The following DOCK1 variants were observed in gnomAD, a reference collection of about 807,000 sequenced individuals.
The protein encoded by DOCK1 is dedicator of cytokinesis protein 1.
A neutral mutation model predicts 262.7 loss-of-function variants in DOCK1; 138 were observed. The ratio of observed to expected loss-of-function variants is 0.53; its 90% confidence interval spans 0.46 to 0.61. The LOEUF (loss-of-function observed/expected upper bound fraction) is 0.61. Ranked by LOEUF, DOCK1 falls within the 20% of genes least tolerant of loss-of-function variation. The pLI is 0.00. For synonymous variants in DOCK1, 866 were observed against 867.4 expected (o/e 1.00, Z 0.03); for missense variants, 1,908 against 2,370.7 (o/e 0.80, Z 4.05).
chr10:127,438,334 ATG>A (rs1438021591), intron 48 of DOCK1, among the ~76,000 whole-genome samples: 1 of 152,242 alleles, frequency 6.6e-6, no homozygotes, highest in Non-Finnish European at 1.5e-5. Context: ...ATAACCACGA[ATG>A]TGTCTTTACA....
intron 50 of DOCK1, among the ~76,000 whole-genome samples, chr10:127,445,225 C>T (rs1049026108): frequency 7.2e-5 from 11 of 152,072 alleles, no homozygotes; most frequent in African/African-American, 1.7e-4. Flanking sequence ...AGGATGGGGA[C>T]GGCAGCAGAA....
intron 29 of DOCK1, among the ~76,000 whole-genome samples, chr10:127,308,141 G>A (rs2061942767): frequency 6.6e-6 from 1 of 152,214 alleles, no homozygotes; most frequent in African/African-American, 2.4e-5. Flanking sequence ...TGGAAATTCG[G>A]AAACCACATG....
intron 1 of DOCK1, among the ~76,000 whole-genome samples, chr10:126,949,661 A>G (rs2036012955): frequency 6.6e-6 from 1 of 152,186 alleles, no homozygotes; most frequent in Non-Finnish European, 1.5e-5. Context: ...AGCAAAATGT[A>G]GGCGTTTGAC....
intron 32 of DOCK1, among the ~76,000 whole-genome samples, chr10:127,355,417 C>G (rs141213012): frequency 2.3e-3 from 346 of 152,288 alleles, no homozygotes; most frequent in Admixed American, 6.4e-3. Flanking sequence ...CCTCACTCCT[C>G]GTTGAGATGA....
At chr10:127,088,446 T>A (rs963524886) in intron 23 of DOCK1, among the ~76,000 whole-genome samples, 1 of 152,214 alleles carries the variant, frequency 6.6e-6, no homozygotes, top group African/African-American at 2.4e-5. Context: ...GGTAGATACC[T>A]CAACTGTGTT....
rs532868868 is a variant in DOCK1, at chr10:126,995,673, G to A, written c.474-1075G>A. 0.018 allele frequency among the ~76,000 whole-genome samples: 1,761 copies of A among 95,690 alleles called. 50 individuals carry two copies. The highest frequency in any genetic ancestry group is 0.046 in the African/African-American group (1,676 of 36,694). 62.8% of individuals were successfully genotyped at this position (95,690 alleles called of 152,430 possible). A position where few individuals can be genotyped will look rare whatever the true frequency, so the allele number is the denominator to read the frequency against. ...GACCGTGGAGAGGGAGAGGGAGACC[G>A]TGGAGAGGGAGAGGGAGAGGGAGAA... On this transcript the variant is annotated intron_variant, in intron 6 of 51. Transcript: ENST00000623213. This position sits in a 1 kb window ranked among gnomAD's most constrained non-coding sequence, Gnocchi z 5.8.
chr10:127,261,145 G>GCA (rs2060062639), intron 29 of DOCK1, among the ~76,000 whole-genome samples: 1 of 145,478 alleles, frequency 6.9e-6, no homozygotes, highest in Non-Finnish European at 1.5e-5. Flanking sequence ...GTGTGTGCGT[G>GCA]TGTACCCGTG....
At chr10:127,223,167 G>A (rs11818589) in intron 27 of DOCK1, among the ~76,000 whole-genome samples, 1 of 152,054 alleles carries the variant, frequency 6.6e-6, no homozygotes, top group African/African-American at 2.4e-5. Flanking sequence ...TTATAACAAT[G>A]TCTGATTATT....
chr10:127,112,597 G>A (rs764686236), intron 25 of DOCK1, among the ~76,000 whole-genome samples: 1 of 152,148 alleles, frequency 6.6e-6, no homozygotes, highest in Non-Finnish European at 1.5e-5. Context: ...TTAACCTGCT[G>A]TCATCTTTTT....
At chr10:127,007,306 CCCT>C (rs1235512172) in intron 10 of DOCK1, 1 of 152,070 alleles carries the variant, frequency 6.6e-6, no homozygotes, top group African/African-American at 2.4e-5. Context: ...TTCTATGTAT[CCCT>C]CCTCCTTTTT....
intron 29 of DOCK1, among the ~76,000 whole-genome samples, chr10:127,283,917 C>T (rs140247832): frequency 2.0e-4 from 30 of 152,192 alleles, no homozygotes; most frequent in African/African-American, 5.8e-4. Flanking sequence ...TACTGGGGCT[C>T]GATACACATT....
At chr10:127,230,794 T>C (rs2058813838) in intron 27 of DOCK1, among the ~76,000 whole-genome samples, 1 of 152,034 alleles carries the variant, frequency 6.6e-6, no homozygotes, top group Admixed American at 6.6e-5. Flanking sequence ...TTTTTGTTTG[T>C]TTTTGGTGGT....
At chr10:126,992,998 C>T (rs1157223779) in intron 6 of DOCK1, among the ~76,000 whole-genome samples, 1 of 152,200 alleles carries the variant, frequency 6.6e-6, no homozygotes, top group Non-Finnish European at 1.5e-5. Context: ...CTGCACAGGC[C>T]ACTTCGTTTG....
chr10:127,018,708 A>G lies in DOCK1; in HGVS notation c.1202-2A>G. On this transcript the variant is annotated splice_acceptor_variant, in intron 12 of 51. Transcript: ENST00000623213. LOFTEE classifies it high-confidence loss of function. Reference sequence around the variant, plus strand: ...ACTTAAGAGCATCCATTGTTTTTCCAGGTTTGTGGGTAACATTGAAATTAC... The same window carrying G: ...ACTTAAGAGCATCCATTGTTTTTCCGGGTTTGTGGGTAACATTGAAATTAC... The G allele has an allele frequency of 6.2e-7, 1 of 1,614,006 alleles. No individual in the cohort carries two copies. Among genetic ancestry groups the G allele is most frequent in the Non-Finnish European group, 8.5e-7 (1 of 1,179,890 alleles).
chr10:127,412,024 A>G (rs2067883525), intron 43 of DOCK1, among the ~76,000 whole-genome samples: 1 of 151,796 alleles, frequency 6.6e-6, no homozygotes, highest in Non-Finnish European at 1.5e-5. Context: ...ATGCAGTGCC[A>G]TGATCTCAGC....
intron 27 of DOCK1, among the ~76,000 whole-genome samples, chr10:127,235,590 A>G (rs1318880606): frequency 6.6e-6 from 1 of 152,114 alleles, no homozygotes; most frequent in East Asian, 1.9e-4. Flanking sequence ...CTCTATAAAT[A>G]CTTGTATAGA....
At chr10:127,248,626 A>T (rs1456868911) in intron 28 of DOCK1, among the ~76,000 whole-genome samples, 1 of 152,220 alleles carries the variant, frequency 6.6e-6, no homozygotes, top group Non-Finnish European at 1.5e-5. Context: ...AACAGAGGGG[A>T]ATTTATTGCT....
At chr10:127,297,484 A>G (rs2061541397) in intron 29 of DOCK1, among the ~76,000 whole-genome samples, 1 of 151,638 alleles carries the variant, frequency 6.6e-6, no homozygotes. Flanking sequence ...GAGGAGAGAT[A>G]GGCAGTGAGC....
At chr10:127,120,215 C>T (rs924264940) in intron 25 of DOCK1, among the ~76,000 whole-genome samples, 1 of 152,190 alleles carries the variant, frequency 6.6e-6, no homozygotes, top group African/African-American at 2.4e-5. Context: ...CCTGGAGTCA[C>T]GTACGTGTGA....
Sources: gnomAD v4.1 joint callset for allele counts (sites outside exome capture counted in the v4.1 genomes callset) on GRCh38, gnomAD v4.1.1 for gene constraint, Gnocchi (gnomAD v3.1) non-coding constraint, MANE v1.5 for transcripts, NCBI Gene and HGNC (gene_info 2026-07-23, HGNC 2026-07-21) for gene names.